The following SCAI variants were observed in gnomAD, a reference collection of about 807,000 sequenced individuals.
SCAI encodes suppressor of cancer cell invasion.
In SCAI, 24 loss-of-function variants were observed where a neutral mutation model predicts 92.2. The observed-to-expected ratio is 0.26, with a 90% CI of 0.19 to 0.37. SCAI has a LOEUF of 0.37. Ranked by LOEUF, SCAI falls within the 10% of genes least tolerant of loss-of-function variation. The probability of loss-of-function intolerance (pLI) is 1.00; values close to 1 mark genes in which losing one functional copy is unlikely to be tolerated. For missense variants in SCAI, 450 were observed against 736.2 expected (o/e 0.61, Z 4.50); for synonymous variants, 261 against 258.6 (o/e 1.01, Z -0.09).
chr9:124,956,057 CA>C (rs916646151), intron 17 of SCAI, among the ~76,000 whole-genome samples: 1 of 152,064 alleles, frequency 6.6e-6, no homozygotes, highest in African/African-American at 2.4e-5. Flanking sequence ...ATCCTGATAA[CA>C]AAACCACATG....
At chr9:125,023,868 C>A (rs1308543099) in intron 6 of SCAI, among the ~76,000 whole-genome samples, 2 of 151,998 alleles carry the variant, frequency 1.3e-5, no homozygotes, top group Non-Finnish European at 2.9e-5. Flanking sequence ...GCTGTCCACT[C>A]ATACATAAGA....
At chr9:125,041,255 C>T (rs1833313594) in intron 3 of SCAI, among the ~76,000 whole-genome samples, 1 of 152,110 alleles carries the variant, frequency 6.6e-6, no homozygotes, top group East Asian at 1.9e-4. Flanking sequence ...TGTAAGTTTT[C>T]ATCTTTTTTA....
rs1182707222 is a variant in SCAI at position 125,129,470 on chromosome 9, T to C, written c.98+13163A>G. 2.8e-4 allele frequency among the ~76,000 whole-genome samples: 38 copies of C among 133,826 alleles called. 1 individual carries two copies. The highest frequency in any genetic ancestry group is 7.0e-4 in the African/African-American group (25 of 35,736). The allele number at this position is 133,826 out of a possible 152,430, so 87.8% of individuals were successfully genotyped here. On this transcript the variant is annotated intron_variant, in intron 2 of 17. Transcript: ENST00000336505. ...TTAGAATTTCTTTTTTTTTTTTTTTTTTTTTTTTTTTGAGACAGAGCCTCA... is the reference window on the plus strand; with the variant it reads ...TTAGAATTTCTTTTTTTTTTTTTTTCTTTTTTTTTTTGAGACAGAGCCTCA...
intron 12 of SCAI, among the ~76,000 whole-genome samples, chr9:125,000,478 G>C (rs1416127520): frequency 6.7e-6 from 1 of 149,670 alleles, no homozygotes; most frequent in East Asian, 2.0e-4. Flanking sequence ...AGTGAGACCT[G>C]TCTCTACAAA....
At chr9:124,976,877 G>A (rs1341359532) in intron 14 of SCAI, among the ~76,000 whole-genome samples, 3 of 151,864 alleles carry the variant, frequency 2.0e-5, no homozygotes, top group African/African-American at 7.2e-5. Flanking sequence ...GACATACCAT[G>A]TTCTTTTTTT....
intron 3 of SCAI, among the ~76,000 whole-genome samples, chr9:125,042,634 T>TGTGTGTGTGTGTAC (rs761672178): frequency 2.1e-5 from 2 of 96,216 alleles, no homozygotes; most frequent in African/African-American, 3.9e-5. Context: ...TGTGTGTGTG[T>TGTGTGTGTGTGTAC]ACACACACAC....
chr9:125,063,122 A>G (rs562903145), intron 2 of SCAI, among the ~76,000 whole-genome samples: 70 of 151,306 alleles, frequency 4.6e-4, no homozygotes, highest in African/African-American at 1.6e-3. Context: ...GAAAAGGGCA[A>G]GATTAGGCCC....
intron 2 of SCAI, among the ~76,000 whole-genome samples, chr9:125,057,267 A>C (rs1321295498): frequency 6.6e-6 from 1 of 152,332 alleles, no homozygotes; most frequent in East Asian, 1.9e-4. Context: ...GTACTCTGCC[A>C]AAAGACAGTA....
At chr9:125,002,227 T>G (rs1411736813) in intron 11 of SCAI, among the ~76,000 whole-genome samples, 184 bp from the exon 12 acceptor site, 1 of 152,200 alleles carries the variant, frequency 6.6e-6, no homozygotes, top group Non-Finnish European at 1.5e-5. Flanking sequence ...GATTCATTAT[T>G]AATCTATATT....
intron 3 of SCAI, among the ~76,000 whole-genome samples, chr9:125,046,705 A>T (rs986675250): frequency 8.2e-5 from 7 of 85,876 alleles, no homozygotes; most frequent in Admixed American, 2.7e-4. Context: ...ACTGAAATTT[A>T]AAAAAAAAAA....
Position 124,952,594 on chromosome 9 carries a change from T to C in SCAI, c.*213A>G. ...ATCCCTCAAAATCAAAAAATAAAAA[T>C]TCCAAGGTTAAGATTTTAAAAGACC... On this transcript the variant is annotated 3_prime_UTR_variant, in exon 18 of 18. Transcript: ENST00000336505. 2.3e-6 allele frequency: 1 copy of C among 435,542 alleles called. No homozygotes were observed. Among genetic ancestry groups the C allele is most frequent in the African/African-American group, 2.0e-5 (1 of 49,140 alleles). 27.0% of individuals were successfully genotyped at this position (435,542 alleles called of 1,614,324 possible).
chr9:125,092,622 C>A (rs992414014), intron 2 of SCAI, among the ~76,000 whole-genome samples: 2 of 152,206 alleles, frequency 1.3e-5, no homozygotes, highest in Non-Finnish European at 2.9e-5. Context: ...TCCATTCATG[C>A]CTTAACCTTC....
intron 2 of SCAI, among the ~76,000 whole-genome samples, chr9:125,131,146 C>T (rs1369886556): frequency 6.6e-6 from 1 of 151,496 alleles, no homozygotes; most frequent in Non-Finnish European, 1.5e-5. Flanking sequence ...TGGCTCACGC[C>T]TGTAATCCAA....
chr9:125,007,751 G>C (rs1048885313), intron 9 of SCAI, among the ~76,000 whole-genome samples: 1 of 151,806 alleles, frequency 6.6e-6, no homozygotes, highest in African/African-American at 2.4e-5. Context: ...TTGACTTCCC[G>C]GGCTCAAGTG....
intron 17 of SCAI, among the ~76,000 whole-genome samples, chr9:124,969,197 G>A (rs1210909006): frequency 1.3e-5 from 2 of 151,996 alleles, no homozygotes; most frequent in African/African-American, 2.4e-5. Flanking sequence ...CTCCTGTCTC[G>A]GCCTCCCAAA....
At chr9:125,141,105 T>C (rs1835655521) in intron 2 of SCAI, among the ~76,000 whole-genome samples, 1 of 152,220 alleles carries the variant, frequency 6.6e-6, no homozygotes, top group African/African-American at 2.4e-5. Flanking sequence ...AAAACATACT[T>C]GAACGTTTTC....
intron 6 of SCAI, among the ~76,000 whole-genome samples, chr9:125,024,644 T>C (rs1192076561): frequency 6.6e-6 from 1 of 152,158 alleles, no homozygotes; most frequent in African/African-American, 2.4e-5. Context: ...CTAGGCTCCC[T>C]ACTTACAAGA....
intron 14 of SCAI, among the ~76,000 whole-genome samples, chr9:124,984,954 T>C (rs1162240666): frequency 6.6e-6 from 1 of 152,194 alleles, no homozygotes; most frequent in Non-Finnish European, 1.5e-5. Flanking sequence ...GATATGCAGA[T>C]TCCAGAACTC....
intron 2 of SCAI, among the ~76,000 whole-genome samples, chr9:125,135,975 A>C (rs1411505905): frequency 4.3e-4 from 65 of 151,574 alleles, no homozygotes; most frequent in African/African-American, 7.8e-4. Context: ...CTCAAACAAA[A>C]AAAAAAAAAA....
Sources: allele counts gnomAD v4.1 joint callset (sites outside exome capture counted in the v4.1 genomes callset), GRCh38; gene constraint gnomAD v4.1.1; transcripts MANE v1.5; gene names NCBI Gene and HGNC (gene_info 2026-07-23, HGNC 2026-07-21).